Variants in LARP1 observed in about 807,000 individuals in gnomAD.
LARP1 encodes La ribonucleoprotein 1, translational regulator.
A neutral mutation model predicts 122.7 loss-of-function variants in LARP1; 36 were observed. The ratio of observed to expected loss-of-function variants is 0.29; its 90% CI spans 0.22 to 0.39. The LOEUF (loss-of-function observed/expected upper bound fraction) is 0.39. LARP1 is among the 10% of genes least tolerant of loss of function. The pLI is 1.00. For missense variants in LARP1, 1,040 were observed against 1,403.6 expected, an observed-to-expected ratio of 0.74 and a Z score of 4.14; for synonymous variants, 539 against 528.7, an observed-to-expected ratio of 1.02 and a Z score of -0.27.
chr5:154,759,805 A>C (rs1006106200), intron 1 of LARP1, among the ~76,000 whole-genome samples: 7 of 152,262 alleles, frequency 4.6e-5, no homozygotes, highest in African/African-American at 1.7e-4. Context: ...TACAGTATTC[A>C]ATAAATTAAT....
upstream of LARP1, among the ~76,000 whole-genome samples, chr5:154,752,329 G>A (rs1202154800): frequency 1.3e-5 from 2 of 151,664 alleles, no homozygotes; most frequent in Non-Finnish European, 1.5e-5. Flanking sequence ...TGCAACCTCC[G>A]CCACCTGGGT....
intron 1 of LARP1, chr5:154,756,532 GGTT>G: frequency 2.0e-6 from 2 of 983,830 alleles, no homozygotes; most frequent in African/African-American, 1.7e-5. Context: ...TGTAAGAGAC[GGTT>G]TCTGGTTTGA....
Position 154,755,816 on chromosome 5 carries a change from A to G in LARP1, c.59A>G (p.Glu20Gly). The G allele has an allele frequency of 2.0e-6, 2 of 995,172 alleles. No homozygotes were observed. The highest frequency in any genetic ancestry group is 2.4e-6 in the Non-Finnish European group (2 of 835,712). 61.6% of individuals were successfully genotyped at this position (995,172 alleles called of 1,614,324 possible). ...PGGATLLQAE[E>G]HGGLVRKKPP... ...GGCGCCACGCTCTTGCAGGCCGAAGAGCACGGGGGGCTGGTGAGGAAGAAG... is the reference window on the plus strand; with the variant it reads ...GGCGCCACGCTCTTGCAGGCCGAAGGGCACGGGGGGCTGGTGAGGAAGAAG... The change falls in exon 1 of 19, where the codon GAG becomes GGG. Residue 20 changes from glutamate to glycine, a missense_variant. Physicochemically the swap from Glu to Gly is moderately conservative, Grantham distance 98. Coordinates refer to ENST00000518297, the MANE Select transcript of LARP1 (RefSeq NM_033551.3).
At chr5:154,702,992 G>C (rs910023066) in intron 1 of LARP1, among the ~76,000 whole-genome samples, 1 of 151,896 alleles carries the variant, frequency 6.6e-6, no homozygotes, top group Admixed American at 6.6e-5. Flanking sequence ...GTGGTGGCGC[G>C]TGCCTGCAGT....
chr5:154,713,235 C>A, intron 1 of LARP1: 1 of 877,044 alleles, frequency 1.1e-6, no homozygotes, highest in Non-Finnish European at 1.8e-6. Context: ...TCCAGCCCTG[C>A]TGTGTGACCC....
rs1397234732 is a variant in LARP1, at chr5:154,755,421, C to G, written c.-337C>G. Among the ~76,000 whole-genome samples the G allele has an allele frequency of 6.8e-6, 1 of 148,126 alleles. No homozygotes were observed. Among genetic ancestry groups the G allele is most frequent in the Non-Finnish European group, 1.5e-5 (1 of 66,540 alleles). On this transcript the variant is annotated 5_prime_UTR_variant, in exon 1 of 19. Transcript: ENST00000518297. The stretch of plus-strand genomic sequence containing the variant: ...CCGAGCCGGGAAGCCCGGGCCGCCC[C>G]GGGGGCGGGGGGGAGGGAGGGACGG...
upstream of LARP1, among the ~76,000 whole-genome samples, chr5:154,754,807 G>C (rs544723716): frequency 9.8e-5 from 15 of 152,294 alleles, no homozygotes; most frequent in African/African-American, 3.4e-4. Context: ...GACCGAAGGG[G>C]CCAGGCCCGC....
intron 1 of LARP1, among the ~76,000 whole-genome samples, chr5:154,784,382 C>T (rs1014309095): frequency 2.6e-5 from 4 of 152,162 alleles, no homozygotes; most frequent in South Asian, 2.1e-4. Context: ...GTCGACCTAA[C>T]GGCCAAGTGT....
upstream of LARP1, among the ~76,000 whole-genome samples, chr5:154,754,172 C>A (rs560735519): frequency 6.0e-4 from 91 of 152,324 alleles, no homozygotes; most frequent in African/African-American, 2.2e-3. Flanking sequence ...TAACTATTGT[C>A]TTCATAGATA....
intron 1 of LARP1, among the ~76,000 whole-genome samples, chr5:154,736,100 CTT>C (rs1009971513): frequency 6.4e-5 from 9 of 140,532 alleles, no homozygotes; most frequent in Admixed American, 2.2e-4. Context: ...TTTTAATTTT[CTT>C]TTTTTTTTTT....
chr5:154,808,686 T>C (rs1335930433), intron 16 of LARP1, 83 bp downstream of exon 16: 9 of 1,428,526 alleles, frequency 6.3e-6, no homozygotes, highest in African/African-American at 1.4e-5. Context: ...AGAACTGTAG[T>C]TGGAAATTCC....
chr5:154,801,785 A>C (rs1248727101), intron 10 of LARP1, among the ~76,000 whole-genome samples: 1 of 152,222 alleles, frequency 6.6e-6, no homozygotes, highest in Non-Finnish European at 1.5e-5. Flanking sequence ...CATGACTGTG[A>C]TATGAGCTGT....
At chr5:154,708,006 A>G (rs2113278422), upstream of LARP1, among the ~76,000 whole-genome samples, 1 of 152,274 alleles carries the variant, frequency 6.6e-6, no homozygotes, top group East Asian at 1.9e-4. Context: ...CAAGCAGTTG[A>G]TCCGCTTCTA....
At chr5:154,776,033 G>A (rs1158298446) in intron 1 of LARP1, among the ~76,000 whole-genome samples, 18 of 152,290 alleles carry the variant, frequency 1.2e-4, no homozygotes, top group Non-Finnish European at 1.5e-5. Context: ...ATATGGCCGG[G>A]CTTGGTGGCT....
chr5:154,695,783 G>A (rs977066975), intron 1 of LARP1, among the ~76,000 whole-genome samples: 8 of 152,066 alleles, frequency 5.3e-5, no homozygotes, highest in African/African-American at 1.9e-4. Context: ...TGAGGCAGGA[G>A]AATCCCTTGA....
chr5:154,791,203 C>T (rs1212145902), intron 3 of LARP1, among the ~76,000 whole-genome samples: 6 of 144,824 alleles, frequency 4.1e-5, no homozygotes, highest in Admixed American at 1.4e-4. Context: ...GGTGTGATCT[C>T]GGCTCACTGC....
At chr5:154,760,105 A>G (rs557772797) in intron 1 of LARP1, among the ~76,000 whole-genome samples, 2 of 151,986 alleles carry the variant, frequency 1.3e-5, no homozygotes, top group South Asian at 2.1e-4. Context: ...ATGCCCGGCT[A>G]ATTTTGTATT....
chr5:154,782,857 C>G (rs1211122498), intron 1 of LARP1, among the ~76,000 whole-genome samples: 2 of 152,176 alleles, frequency 1.3e-5, no homozygotes, highest in African/African-American at 2.4e-5. Flanking sequence ...ATGGCATTCT[C>G]TTTACTCCAT....
chr5:154,764,112 C>T (rs962010775), intron 1 of LARP1, among the ~76,000 whole-genome samples: 1 of 151,904 alleles, frequency 6.6e-6, no homozygotes, highest in Non-Finnish European at 1.5e-5. Flanking sequence ...AGTTCAAGAC[C>T]AGCCTGGCCA....
Sources: allele counts gnomAD v4.1 joint callset (sites outside exome capture counted in the v4.1 genomes callset), GRCh38; gene constraint gnomAD v4.1.1; transcripts MANE v1.5; gene names NCBI Gene and HGNC (gene_info 2026-07-23, HGNC 2026-07-21).